Variants in DYNC2H1 observed in about 807,000 individuals in gnomAD.
DYNC2H1 encodes dynein cytoplasmic 2 heavy chain 1, also known as cytoplasmic dynein 2 heavy chain 1.
Under a neutral mutation model 570.0 loss-of-function variants are expected in DYNC2H1, and 410 were observed. The observed-to-expected ratio is 0.72, with a 90% CI of 0.66 to 0.78. The LOEUF (loss-of-function observed/expected upper bound fraction) is 0.78. DYNC2H1 is among the 30% of genes least tolerant of loss of function. DYNC2H1 has a pLI of 0.00. For synonymous variants in DYNC2H1, 1,688 were observed against 1,677.6 expected, an observed-to-expected ratio of 1.01 and a Z score of -0.15; for missense variants, 4,865 against 5,046.4, an observed-to-expected ratio of 0.96 and a Z score of 1.09.
At chr11:103,360,674 C>T (rs912645038) in intron 83 of DYNC2H1, among the ~76,000 whole-genome samples, 2 of 151,876 alleles carry the variant, frequency 1.3e-5, no homozygotes, top group Non-Finnish European at 2.9e-5. Context: ...TTAATGAGTA[C>T]GTAATGTGTT....
At chr11:103,197,439 T>C (rs1488079759) in intron 47 of DYNC2H1, among the ~76,000 whole-genome samples, 1 of 152,000 alleles carries the variant, frequency 6.6e-6, no homozygotes, top group Non-Finnish European at 1.5e-5. Flanking sequence ...AAGGTCTTTG[T>C]ATTTCTTTTC....
At chr11:103,302,349 G>A (rs971629913) in intron 75 of DYNC2H1, among the ~76,000 whole-genome samples, 1 of 151,960 alleles carries the variant, frequency 6.6e-6, no homozygotes, top group African/African-American at 2.4e-5. Flanking sequence ...TATTCAGTAG[G>A]TGATGAATAA....
intron 70 of DYNC2H1, among the ~76,000 whole-genome samples, chr11:103,269,815 C>T (rs1865634179): frequency 6.6e-6 from 1 of 151,908 alleles, no homozygotes. Flanking sequence ...TGTATTGTTT[C>T]TTCATTTACT....
chr11:103,372,347 G>T (rs1022079043), intron 83 of DYNC2H1, among the ~76,000 whole-genome samples: 1 of 152,062 alleles, frequency 6.6e-6, no homozygotes, highest in Non-Finnish European at 1.5e-5. Flanking sequence ...TTAACATTCA[G>T]TATGATGTTA....
chr11:103,362,850 T>C (rs1054566457), intron 83 of DYNC2H1, among the ~76,000 whole-genome samples: 2 of 151,974 alleles, frequency 1.3e-5, no homozygotes, highest in Non-Finnish European at 2.9e-5. Flanking sequence ...GCCAACATGG[T>C]GAAACCCCCA....
intron 80 of DYNC2H1, 128 bp from the exon 81 acceptor site, chr11:103,320,901 A>G (rs1565492972): frequency 2.1e-5 from 15 of 731,236 alleles, no homozygotes. Flanking sequence ...ACTACTATTA[A>G]TAGTCATTTG....
At chr11:103,190,258 T>C (rs1284614531) in intron 45 of DYNC2H1, among the ~76,000 whole-genome samples, 1 of 152,206 alleles carries the variant, frequency 6.6e-6, no homozygotes, top group Non-Finnish European at 1.5e-5. Flanking sequence ...TACTTGAAAG[T>C]AGGCATTGAG....
Position 103,326,017 on chromosome 11 carries a change from G to A in DYNC2H1, c.12039+2027G>A, listed in dbSNP as rs970455873. Reference sequence around the variant, plus strand: ...CACTCAGTTGGGTTTGGTTTGGGGCGCTTTCAGAGGGCCAAGGCTCTGTAC... The same window carrying A: ...CACTCAGTTGGGTTTGGTTTGGGGCACTTTCAGAGGGCCAAGGCTCTGTAC... On this transcript the variant is annotated intron_variant, in intron 82 of 88. Transcript: ENST00000375735. The surrounding 1 kb of genome is among the most constrained non-coding windows in gnomAD (Gnocchi z 6.1). 5.9e-5 allele frequency among the ~76,000 whole-genome samples: 9 copies of A among 152,078 alleles called. No homozygotes were observed. Among genetic ancestry groups the A allele is most frequent in the African/African-American group, 1.9e-4 (8 of 41,396 alleles).
Position 103,316,569 on chromosome 11 carries a change from T to C in DYNC2H1, c.11674T>C (p.Ser3892Pro). 6.4e-7 allele frequency: 1 copy of C among 1,560,604 alleles called. No individual in the cohort carries two copies. Among genetic ancestry groups the C allele is most frequent in the Non-Finnish European group, 8.7e-7 (1 of 1,153,760 alleles). The change falls in exon 80 of 89, where the codon TCT becomes CCT. Residue 3892 changes from serine (S) to proline (P), a missense_variant. Ser to Pro is a moderately conservative substitution (Grantham distance 74). Coordinates refer to ENST00000375735, the MANE Select transcript of DYNC2H1 (RefSeq NM_001377.3). ...PQGWTKFYEF[S>P]LSDLRAGYNI... ...GGGTTGGACAAAGTTTTATGAATTT[T>C]CTTTATCAGATCTTCGGGCTGGGTA...
rs1396364360 is a variant in DYNC2H1, at chr11:103,395,711, C to G, written c.12157-3952C>G. On this transcript the variant is annotated intron_variant, in intron 83 of 88. Coordinates refer to ENST00000375735, the MANE Select transcript of DYNC2H1 (RefSeq NM_001377.3). This position sits in a 1 kb window ranked among gnomAD's most constrained non-coding sequence, Gnocchi z 4.3. ...GTCATGCTGCCATCCCTGAACCAGT[C>G]ACTGTGGTCAAGAGAATGGAACGCT... Among the ~76,000 whole-genome samples, 3 of 152,148 alleles carry G rather than the reference C, an allele frequency of 2.0e-5. No individual in the cohort carries two copies. The highest frequency in any genetic ancestry group is 4.4e-5 in the Non-Finnish European group (3 of 68,032).
intron 82 of DYNC2H1, among the ~76,000 whole-genome samples, chr11:103,338,167 A>C (rs56857991): frequency 0.22 from 32,789 of 151,918 alleles, 3,626 homozygotes; most frequent in Admixed American, 0.31. Flanking sequence ...CACTTATTGA[A>C]GCTGAGTTGG....
intron 65 of DYNC2H1, among the ~76,000 whole-genome samples, chr11:103,251,879 G>A (rs1338610318): frequency 6.6e-6 from 1 of 152,042 alleles, no homozygotes; most frequent in Non-Finnish European, 1.5e-5. Flanking sequence ...ATTCCATTGT[G>A]TGCATGTGGG....
intron 84 of DYNC2H1, among the ~76,000 whole-genome samples, chr11:103,413,086 C>T (rs377299759): frequency 3.3e-5 from 5 of 152,136 alleles, no homozygotes; most frequent in African/African-American, 1.2e-4. Context: ...TCTTGAGGTG[C>T]GTGTCAACTT....
chr11:103,225,153 C>T (rs1008000357), intron 59 of DYNC2H1, among the ~76,000 whole-genome samples: 21 of 146,300 alleles, frequency 1.4e-4, no homozygotes, highest in African/African-American at 4.5e-4. Context: ...GGATATTAGT[C>T]CTTTGTTGGA....
chr11:103,422,251 C>A (rs532058424), intron 84 of DYNC2H1, among the ~76,000 whole-genome samples: 1 of 152,268 alleles, frequency 6.6e-6, no homozygotes, highest in Middle Eastern at 3.4e-3. Context: ...CAGCTGAATT[C>A]TACCAGAGGT....
At chr11:103,225,462 C>G (rs1179501844) in intron 59 of DYNC2H1, among the ~76,000 whole-genome samples, 3 of 152,088 alleles carry the variant, frequency 2.0e-5, no homozygotes, top group African/African-American at 7.2e-5. Context: ...TTTCATTCTT[C>G]TACGTGGGGC....
Position 103,155,475 on chromosome 11 carries a change from A to G in DYNC2H1, c.3718A>G (p.Ile1240Val). ...TGATTTGCTCAGAGTAGCTGATACA[A>G]TTGTAGCCAAAGCTGCCGACCTTAA... is the stretch of plus-strand genomic sequence containing the variant. ...FGDLLRVADT[I>V]VAKAADLKDL... The change falls in exon 25 of 89, where the codon ATT becomes GTT. Residue 1240 changes from isoleucine (I) to valine (V), a missense_variant. Ile to Val is a conservative substitution (Grantham distance 29). This residue lies in a region of DYNC2H1 where 1,936 missense variants were observed against 1,962.1 expected (regional missense o/e 0.99). Transcript: ENST00000375735. 2 of 1,610,524 alleles carry G rather than the reference A, an allele frequency of 1.2e-6. No individual in the cohort carries two copies. Among genetic ancestry groups the G allele is most frequent in the Middle Eastern group, 1.7e-4 (1 of 6,050 alleles).
intron 60 of DYNC2H1, among the ~76,000 whole-genome samples, chr11:103,233,771 T>C (rs961535263): frequency 3.3e-5 from 5 of 151,784 alleles, no homozygotes; most frequent in African/African-American, 1.2e-4. Context: ...AATTTTTATA[T>C]AATGCAGTAC....
rs200386358 is a variant in DYNC2H1, at chr11:103,214,446, C to CTTTTT, written c.8695-1263_8695-1259dup. On this transcript the variant is annotated intron_variant, in intron 54 of 88. Coordinates refer to ENST00000375735, the MANE Select transcript of DYNC2H1 (RefSeq NM_001377.3). ...TTTAACAATACTAGTACTTCTTCTTCTTTTTTTTTTTTTTTTGAGTAGGAG... is the reference window on the plus strand; with the variant it reads ...TTTAACAATACTAGTACTTCTTCTTCTTTTTTTTTTTTTTTTTTTTTGAGTAGGAG... Among the ~76,000 whole-genome samples, 235 of 127,284 alleles carry CTTTTT rather than the reference C, an allele frequency of 1.8e-3. 2 individuals are homozygous for CTTTTT. Among genetic ancestry groups the CTTTTT allele is most frequent in the Middle Eastern group, 8.3e-3 (2 of 240 alleles). 83.5% of individuals were successfully genotyped at this position (127,284 alleles called of 152,430 possible).
Sources: allele counts gnomAD v4.1 joint callset (sites outside exome capture counted in the v4.1 genomes callset), GRCh38; gene constraint gnomAD v4.1.1; regional missense constraint gnomAD v4.1.1; non-coding constraint Gnocchi (gnomAD v3.1); transcripts MANE v1.5; gene names NCBI Gene and HGNC (gene_info 2026-07-23, HGNC 2026-07-21).